MAP1LC3A: variants seen among roughly 807,000 people sequenced by gnomAD.
MAP1LC3A encodes microtubule-associated protein 1 light chain 3 alpha.
In MAP1LC3A, 10 loss-of-function variants were observed where a neutral mutation model predicts 15.2. The observed-to-expected ratio is 0.66, with a 90% CI of 0.41 to 1.12. The LOEUF (loss-of-function observed/expected upper bound fraction) is 1.12. Ranked by LOEUF, MAP1LC3A falls within the 50% of genes most tolerant of loss-of-function variation. The pLI is 0.00. For missense variants in MAP1LC3A, 138 were observed against 167.3 expected (o/e 0.82, Z 0.97); for synonymous variants, 63 against 64.3 (o/e 0.98, Z 0.10).
In MAP1LC3A at chr20:34,558,868, G is replaced by A. The variant is rs961475206; in HGVS notation, c.-1G>A. The A allele has an allele frequency of 1.4e-6, 2 of 1,438,298 alleles. No individual in the cohort carries two copies. The highest frequency in any genetic ancestry group is 3.0e-5 in the African/African-American group (2 of 67,016). 89.1% of individuals were successfully genotyped at this position (1,438,298 alleles called of 1,614,324 possible). ...CCTGCGCGCCCAGCCGGGCCCGCGC[G>A]ATGCCCTCAGACCGGCCTTTCAAGC... On this transcript the variant is annotated 5_prime_UTR_variant, in exon 1 of 4. Coordinates refer to ENST00000360668, the MANE Select transcript of MAP1LC3A (RefSeq NM_032514.4). The surrounding 1 kb of genome is among the most constrained non-coding windows in gnomAD (Gnocchi z 4.3).
At position 34,551,878 on chromosome 20, in the gene MAP1LC3A, G is replaced by GA. The variant is rs200235880; in HGVS notation, c.52+1857dup. ...ATTGTTTGTGAATTTTACCCTGAAA[G>GA]AAAAAAAACCAAATACTGACATGAA... On this transcript the variant is annotated intron_variant, in intron 2 of 4. Coordinates refer to the MAP1LC3A transcript ENST00000374837. Among the ~76,000 whole-genome samples, 384 of 151,296 alleles carry GA rather than the reference G, an allele frequency of 2.5e-3. 1 individual carries two copies. The highest frequency in any genetic ancestry group is 8.2e-3 in the African/African-American group (337 of 41,316).
chr20:34,556,323 C>T (rs987497241), upstream of MAP1LC3A, among the ~76,000 whole-genome samples: 4 of 152,162 alleles, frequency 2.6e-5, no homozygotes, highest in African/African-American at 7.2e-5. Flanking sequence ...TTGTCGTGCA[C>T]CCTAGTAGTT....
At chr20:34,556,772 T>C (rs1310985941), upstream of MAP1LC3A, among the ~76,000 whole-genome samples, 4 of 152,328 alleles carry the variant, frequency 2.6e-5, no homozygotes, top group East Asian at 3.9e-4. Flanking sequence ...AGCTAATCTT[T>C]GTATTTTTAG....
chr20:34,560,159 A>ATCT lies in MAP1LC3A; in HGVS notation c.*263_*265dup. On this transcript the variant is annotated 3_prime_UTR_variant, in exon 4 of 4. Coordinates refer to ENST00000360668, the MANE Select transcript of MAP1LC3A (RefSeq NM_032514.4). ...TCCCAGCACCCCTGCTGTGTGGTTC[A>ATCT]TCTTTTTTTTAGGCCCCTGCCTGTC... 1 of 366,624 alleles carries ATCT rather than the reference A, an allele frequency of 2.7e-6. No individual in the cohort carries two copies. The highest frequency in any genetic ancestry group is 4.6e-5 in the Admixed American group (1 of 21,534). 22.7% of individuals were successfully genotyped at this position (366,624 alleles called of 1,614,324 possible). A position where few individuals can be genotyped will look rare whatever the true frequency, so the allele number is the denominator to read the frequency against.
intron 2 of MAP1LC3A, among the ~76,000 whole-genome samples, chr20:34,551,736 T>TTACA (rs1981957837): frequency 6.6e-6 from 1 of 152,084 alleles, no homozygotes; most frequent in South Asian, 2.1e-4. Context: ...AGTGCTGGGA[T>TTACA]TACAGGCGTG....
At chr20:34,550,043 GCCTGCCGT>G in intron 2 of MAP1LC3A, 2 of 1,613,120 alleles carry the variant, frequency 1.2e-6, no homozygotes, top group South Asian at 2.2e-5. Context: ...TGTCTGGCCC[GCCTGCCGT>G]TGTGTGAAGG....
At chr20:34,551,633 T>C (rs1050589386) in intron 2 of MAP1LC3A, among the ~76,000 whole-genome samples, 7 of 152,040 alleles carry the variant, frequency 4.6e-5, no homozygotes, top group African/African-American at 1.7e-4. Context: ...GCCTGGCTAA[T>C]TTTTTCTATC....
chr20:34,556,892 C>A (rs956273659), upstream of MAP1LC3A, among the ~76,000 whole-genome samples: 6 of 152,210 alleles, frequency 3.9e-5, no homozygotes, highest in Non-Finnish European at 5.9e-5. Context: ...TGAGCCACTG[C>A]GCCTGGCCTA....
chr20:34,559,228 C>G lies in MAP1LC3A; in HGVS notation c.61C>G (p.Gln21Glu). ...CGCAGCCGACCGCTGTAAGGAGGTA[C>G]AGCAGATCCGCGACCAGCACCCCAG... ...RSFADRCKEV[Q>E]QIRDQHPSKI... The change falls in exon 2 of 4, where the codon CAG (glutamine) becomes GAG (glutamate). Residue 21 changes from glutamine to glutamate, a missense_variant. Gln to Glu is a conservative substitution (Grantham distance 29). Coordinates refer to ENST00000360668, the MANE Select transcript of MAP1LC3A (RefSeq NM_032514.4). 6.2e-7 allele frequency: 1 copy of G among 1,604,760 alleles called. No homozygotes were observed. The highest frequency in any genetic ancestry group is 8.5e-7 in the Non-Finnish European group (1 of 1,176,722).
upstream of MAP1LC3A, among the ~76,000 whole-genome samples, chr20:34,556,576 T>A (rs76315811): frequency 0.031 from 4,750 of 152,014 alleles, 226 homozygotes; most frequent in African/African-American, 0.1. Flanking sequence ...TTTCTCCTTG[T>A]GTTCTTAATA....
At chr20:34,553,972 C>T (rs963006937), upstream of MAP1LC3A, among the ~76,000 whole-genome samples, 5 of 152,168 alleles carry the variant, frequency 3.3e-5, no homozygotes, top group East Asian at 1.9e-4. Context: ...TGGGCACACA[C>T]AGTGGAATTC....
chr20:34,558,398 G>A (rs976747530), upstream of MAP1LC3A: 29 of 989,894 alleles, frequency 2.9e-5, no homozygotes, highest in Non-Finnish European at 3.0e-5. This position sits in a 1 kb window ranked among gnomAD's most constrained non-coding sequence, Gnocchi z 4.3. Context: ...CCAGAACCGC[G>A]TCAGTCCTGA....
chr20:34,548,641 G>A lies in MAP1LC3A; in HGVS notation c.-73-1264G>A, dbSNP rs1161505007. 3.9e-5 allele frequency among the ~76,000 whole-genome samples: 6 copies of A among 152,098 alleles called. No homozygotes were observed. In the East Asian group the frequency reaches 7.7e-4, roughly 20 times the overall value. On this transcript the variant is annotated intron_variant, in intron 1 of 4. Coordinates refer to the MAP1LC3A transcript ENST00000374837. The stretch of plus-strand genomic sequence containing the variant: ...GAGCAAGGTGGGGCAGTGTGAGCTC[G>A]AGGCCGGAGGACCCCTGAGTGGGTC...
chr20:34,550,102 T>C, intron 2 of MAP1LC3A: 2 of 1,479,376 alleles, frequency 1.4e-6, no homozygotes, highest in South Asian at 2.3e-5. Flanking sequence ...CGGTCATCAG[T>C]GGCCAAGCAG....
intron 3 of MAP1LC3A, 57 bp from the exon 4 acceptor site, chr20:34,559,679 C>A (rs1982355095): frequency 3.9e-6 from 6 of 1,537,134 alleles, no homozygotes; most frequent in Admixed American, 1.9e-5. Context: ...GGGGTCAGGG[C>A]TATGTCCGTC....
chr20:34,547,502 A>G (rs531497829), intron 1 of MAP1LC3A, among the ~76,000 whole-genome samples: 2 of 140,482 alleles, frequency 1.4e-5, no homozygotes, highest in East Asian at 4.2e-4. Flanking sequence ...CCAAAATCTC[A>G]TCTTGAATTA....
At chr20:34,557,770 C>T (rs1982213007), upstream of MAP1LC3A, among the ~76,000 whole-genome samples, 1 of 152,078 alleles carries the variant, frequency 6.6e-6, no homozygotes, top group Non-Finnish European at 1.5e-5. Flanking sequence ...ACTAAAAATA[C>T]AATAATTAGC....
Position 34,559,442 on chromosome 20 carries a change from C to A in MAP1LC3A, c.192C>A (p.Val64=). 6.2e-7 allele frequency: 1 copy of A among 1,612,716 alleles called. No homozygotes were observed. Among genetic ancestry groups the A allele is most frequent in the South Asian group, 1.1e-5 (1 of 90,764 alleles). ...ACCATGTCAACATGAGCGAGTTGGT[C>A]AAGATCATCCGGTGCGTGGGCAGCC... The part of the protein sequence containing the change: ...VPDHVNMSEL[V]KIIRRRLQLN... Residue 64 remains valine, a synonymous_variant, in exon 3 of 4, where the codon GTC becomes GTA. Transcript: ENST00000360668.
chr20:34,560,159 A>ATCTT lies in MAP1LC3A; in HGVS notation c.*263_*266dup. The ATCTT allele has an allele frequency of 2.7e-6, 1 of 366,624 alleles. No individual in the cohort carries two copies. Among genetic ancestry groups the ATCTT allele is most frequent in the South Asian group, 3.6e-5 (1 of 27,490 alleles). 22.7% of individuals were successfully genotyped at this position (366,624 alleles called of 1,614,324 possible). On this transcript the variant is annotated 3_prime_UTR_variant, in exon 4 of 4. Transcript: ENST00000360668. ...TCCCAGCACCCCTGCTGTGTGGTTC[A>ATCTT]TCTTTTTTTTAGGCCCCTGCCTGTC... is the stretch of plus-strand genomic sequence containing the variant.
Sources: allele counts gnomAD v4.1 joint callset (sites outside exome capture counted in the v4.1 genomes callset), GRCh38; gene constraint gnomAD v4.1.1; non-coding constraint Gnocchi (gnomAD v3.1); transcripts MANE v1.5; gene names NCBI Gene and HGNC (gene_info 2026-07-23, HGNC 2026-07-21).